DDX27: variants seen among roughly 807,000 people sequenced by gnomAD.
The protein encoded by DDX27 is DEAD-box helicase 27.
Under a neutral mutation model 99.3 loss-of-function variants are expected in DDX27, and 42 were observed. The ratio of observed to expected loss-of-function variants is 0.42; its 90% CI spans 0.33 to 0.55. DDX27 has a LOEUF of 0.55. Among genes scored for constraint, DDX27 ranks in the 20% least tolerant of loss-of-function variants. The pLI is 0.07. For synonymous variants in DDX27, 329 were observed against 353.8 expected, an observed-to-expected ratio of 0.93 and a Z score of 0.79; for missense variants, 798 against 976.8, an observed-to-expected ratio of 0.82 and a Z score of 2.44.
At chr20:49,227,835 G>A (rs1030645811) in intron 7 of DDX27, among the ~76,000 whole-genome samples, 216 of 129,360 alleles carry the variant, frequency 1.7e-3, no homozygotes, top group Non-Finnish European at 2.8e-3. Context: ...ATCAGAGGAG[G>A]AAATTTTTTT....
intron 8 of DDX27, among the ~76,000 whole-genome samples, chr20:49,229,335 G>C (rs939863659): frequency 4.6e-5 from 7 of 152,078 alleles, no homozygotes; most frequent in African/African-American, 1.7e-4. Context: ...CAGCCGACAT[G>C]TTTTCATAGT....
chr20:49,240,274 T>A (rs575104344), intron 16 of DDX27, among the ~76,000 whole-genome samples: 54 of 152,308 alleles, frequency 3.5e-4, no homozygotes, highest in Non-Finnish European at 6.9e-4. Flanking sequence ...AAAATAATTT[T>A]AAAAAAGTTA....
intron 7 of DDX27, among the ~76,000 whole-genome samples, chr20:49,227,075 G>A (rs1979924183): frequency 6.7e-6 from 1 of 149,378 alleles, no homozygotes; most frequent in Non-Finnish European, 1.5e-5. Flanking sequence ...TTTTAGCCGG[G>A]ATGGTCTTGA....
intron 11 of DDX27, chr20:49,233,999 G>C: frequency 2.9e-6 from 1 of 342,190 alleles, no homozygotes; most frequent in Non-Finnish European, 5.5e-6. Flanking sequence ...CGCCTGGATC[G>C]TTGCGCAGCC....
chr20:49,221,118 C>T (rs1226446165), intron 1 of DDX27, among the ~76,000 whole-genome samples: 6 of 152,184 alleles, frequency 3.9e-5, no homozygotes, highest in Non-Finnish European at 5.9e-5. Context: ...TGCGCCACCA[C>T]GCCCGGCTAA....
At chr20:49,220,176 C>T (rs1451627501) in intron 1 of DDX27, among the ~76,000 whole-genome samples, 1 of 152,180 alleles carries the variant, frequency 6.6e-6, no homozygotes, top group Non-Finnish European at 1.5e-5. Flanking sequence ...TTCAACTCCT[C>T]CAAAGATGAA....
At chr20:49,224,516 A>C (rs1979806850) in intron 4 of DDX27, among the ~76,000 whole-genome samples, 1 of 151,896 alleles carries the variant, frequency 6.6e-6, no homozygotes, top group Non-Finnish European at 1.5e-5. Flanking sequence ...GCACACGCCA[A>C]CACACCTGGC....
chr20:49,222,909 G>T, intron 2 of DDX27, 48 bp from the exon 3 acceptor site: 1 of 1,490,500 alleles, frequency 6.7e-7, no homozygotes, highest in Non-Finnish European at 9.1e-7. Flanking sequence ...TCTCTTATTC[G>T]ATGTTTCAAT....
At position 49,241,803 on chromosome 20, in the gene DDX27, A is replaced by G. The variant is rs1208282019; in HGVS notation, c.1898-90A>G. 13 of 1,397,182 alleles carry G rather than the reference A, an allele frequency of 9.3e-6. No homozygotes were observed. The South Asian group carries it at 1.4e-4, about 15-fold the overall frequency. 86.5% of individuals were successfully genotyped at this position (1,397,182 alleles called of 1,614,324 possible). A position where few individuals can be genotyped will look rare whatever the true frequency, so the allele number is the denominator to read the frequency against. On this transcript the variant is annotated intron_variant, in intron 16 of 20. Coordinates refer to ENST00000618172, the MANE Select transcript of DDX27 (RefSeq NM_017895.8). The stretch of plus-strand genomic sequence containing the variant: ...TTGCCGCTTTTCATTTTAATCTGCT[A>G]ACTTACCAATTGAAAACGTGCACTT...
intron 1 of DDX27, among the ~76,000 whole-genome samples, chr20:49,219,759 T>G (rs988082547): frequency 2.6e-5 from 4 of 152,164 alleles, no homozygotes; most frequent in South Asian, 2.1e-4. Context: ...GTCTCCTTGC[T>G]GAACTCAGTA....
chr20:49,231,798 G>T (rs1980121960), intron 9 of DDX27, among the ~76,000 whole-genome samples: 1 of 152,092 alleles, frequency 6.6e-6, no homozygotes, highest in South Asian at 2.1e-4. Context: ...CAGCAGCGCT[G>T]TCCCCATGAG....
intron 14 of DDX27, chr20:49,238,141 C>T (rs1980363883): frequency 6.6e-6 from 1 of 151,942 alleles, no homozygotes; most frequent in East Asian, 1.9e-4. Flanking sequence ...GCCTCAGCCT[C>T]CCAAGTAGCT....
rs1236399671 is a variant in DDX27, at chr20:49,219,529, CGAGGAAGAG to C, written c.86_93+1del. 6.2e-7 allele frequency: 1 copy of C among 1,613,556 alleles called. No homozygotes were observed. Among genetic ancestry groups the C allele is most frequent in the Admixed American group, 1.7e-5 (1 of 59,938 alleles). ...TGGAGCCCGAGTCTGACTCCGGGGA[CGAGGAAGAG>C]GAGGTATGAGCACGGTTCTGGTCTT... On this transcript the variant is annotated inframe_deletion, in exon 1 of 21. Coordinates refer to ENST00000618172, the MANE Select transcript of DDX27 (RefSeq NM_017895.8).
chr20:49,232,778 A>AAAG (rs1351612941), intron 9 of DDX27: 1 of 187,920 alleles, frequency 5.3e-6, no homozygotes, highest in East Asian at 1.5e-4. Flanking sequence ...AAAAAAAAAA[A>AAAG]AAAAAAAAAA....
At position 49,236,455 on chromosome 20, in the gene DDX27, G is replaced by A; in HGVS notation, c.1632G>A (p.Leu544=). ...TGGGAGAAGATGAGCGGAAGATGCT[G>A]AAGGAGATTGTAAAAGCTGCCAAGG... ...SLVGEDERKM[L]KEIVKAAKAP... is the part of the protein sequence containing the mutation. Residue 544 remains leucine, a synonymous_variant, in exon 14 of 21, where the codon CTG becomes CTA. Transcript: ENST00000618172. This position sits in a 1 kb window ranked among gnomAD's most constrained non-coding sequence, Gnocchi z 4.1. 2 of 1,612,258 alleles carry A rather than the reference G, an allele frequency of 1.2e-6. No individual in the cohort carries two copies. Among genetic ancestry groups the A allele is most frequent in the South Asian group, 1.1e-5 (1 of 90,586 alleles).
intron 20 of DDX27, 54 bp from the exon 21 acceptor site, chr20:49,243,762 T>C (rs944457936): frequency 2.5e-6 from 4 of 1,614,006 alleles, no homozygotes; most frequent in Admixed American, 3.3e-5. Flanking sequence ...AAACCTTTCA[T>C]GGAAAAGAAG....
Position 49,236,451 on chromosome 20 carries a change from T to A in DDX27, c.1628T>A (p.Met543Lys). 3.7e-6 allele frequency: 6 copies of A among 1,612,478 alleles called. No individual in the cohort carries two copies. The highest frequency in any genetic ancestry group is 4.2e-6 in the Non-Finnish European group (5 of 1,179,348). The change falls in exon 14 of 21, where the codon ATG becomes AAG. Residue 543 changes from methionine to lysine, a missense_variant. Transcript: ENST00000618172. The surrounding 1 kb of genome is among the most constrained non-coding windows in gnomAD (Gnocchi z 4.1). Reference protein sequence around the residue: ...VSLVGEDERKMLKEIVKAAKA... With the variant: ...VSLVGEDERKKLKEIVKAAKA... ...CTGGTGGGAGAAGATGAGCGGAAGA[T>A]GCTGAAGGAGATTGTAAAAGCTGCC... is the stretch of plus-strand genomic sequence containing the variant.
At chr20:49,227,264 C>T (rs1979932670) in intron 7 of DDX27, among the ~76,000 whole-genome samples, 1 of 152,200 alleles carries the variant, frequency 6.6e-6, no homozygotes, top group Non-Finnish European at 1.5e-5. Flanking sequence ...AATCCTTCAT[C>T]AATGGTGACA....
At chr20:49,240,367 C>T (rs916671852) in intron 16 of DDX27, among the ~76,000 whole-genome samples, 9 of 152,308 alleles carry the variant, frequency 5.9e-5, no homozygotes, top group South Asian at 2.1e-4. Context: ...TTCTATGCCT[C>T]GCCTTTTCAC....
Sources: allele counts gnomAD v4.1 joint callset (sites outside exome capture counted in the v4.1 genomes callset), GRCh38; gene constraint gnomAD v4.1.1; non-coding constraint Gnocchi (gnomAD v3.1); transcripts MANE v1.5; gene names NCBI Gene and HGNC (gene_info 2026-07-23, HGNC 2026-07-21).